Variants in ACBD5 observed in about 807,000 individuals in gnomAD.
ACBD5 encodes acyl-CoA-binding domain-containing protein 5.
A neutral mutation model predicts 71.8 loss-of-function variants in ACBD5; 40 were observed. The ratio of observed to expected loss-of-function variants is 0.56; its 90% CI spans 0.43 to 0.72. The LOEUF is 0.72. Among genes scored for constraint, ACBD5 ranks in the 30% least tolerant of loss-of-function variants. The pLI, the probability that ACBD5 is intolerant of heterozygous loss-of-function variation, is 0.00. For missense variants in ACBD5, 559 were observed against 644.5 expected, an observed-to-expected ratio of 0.87 and a Z score of 1.44; for synonymous variants, 229 against 218.6, an observed-to-expected ratio of 1.05 and a Z score of -0.42.
chr10:27,220,776 T>G (rs1450609005), intron 5 of ACBD5, among the ~76,000 whole-genome samples: 1 of 152,056 alleles, frequency 6.6e-6, no homozygotes, highest in African/African-American at 2.4e-5. Flanking sequence ...GACTCATCAT[T>G]CCTGATTTCA....
intron 13 of ACBD5, among the ~76,000 whole-genome samples, chr10:27,186,088 CA>C (rs144666387): frequency 6.6e-6 from 1 of 150,700 alleles, no homozygotes. Flanking sequence ...GACCTCGTCT[CA>C]AAAAAAAAGC....
chr10:27,198,280 G>GAT (rs984013545), intron 12 of ACBD5, among the ~76,000 whole-genome samples: 1 of 152,092 alleles, frequency 6.6e-6, no homozygotes, highest in African/African-American at 2.4e-5. Flanking sequence ...CCCAAACTTG[G>GAT]ATATATATAA....
At chr10:27,199,544 C>G (rs564482927) in intron 12 of ACBD5, among the ~76,000 whole-genome samples, 1 of 152,200 alleles carries the variant, frequency 6.6e-6, no homozygotes, top group Non-Finnish European at 1.5e-5. Flanking sequence ...GGAATAAATT[C>G]TGCCTTTCCC....
At chr10:27,238,111 A>AATT (rs1047146665) in intron 2 of ACBD5, among the ~76,000 whole-genome samples, 2 of 151,590 alleles carry the variant, frequency 1.3e-5, no homozygotes, top group East Asian at 3.9e-4. Context: ...ACGCCTGGCT[A>AATT]ATTTTTTGTA....
intron 4 of ACBD5, among the ~76,000 whole-genome samples, chr10:27,224,243 G>A (rs925926226): frequency 1.3e-5 from 2 of 151,860 alleles, no homozygotes; most frequent in Admixed American, 6.6e-5. Flanking sequence ...CAGACATGGC[G>A]GTGCACGCCT....
chr10:27,183,271 TG>T (rs2058431652), intron 13 of ACBD5, among the ~76,000 whole-genome samples: 2 of 22,040 alleles, frequency 9.1e-5, no homozygotes, highest in African/African-American at 1.2e-4. Flanking sequence ...AAAATTCTTT[TG>T]TTGTTGTTGT....
intron 12 of ACBD5, among the ~76,000 whole-genome samples, chr10:27,199,084 A>G (rs535610392): frequency 1.8e-4 from 28 of 151,672 alleles, no homozygotes; most frequent in African/African-American, 6.5e-4. Context: ...ACTCCAGCCT[A>G]GGTGACACAG....
At chr10:27,186,567 T>C in intron 13 of ACBD5, 1 of 1,562,644 alleles carries the variant, frequency 6.4e-7, no homozygotes, top group East Asian at 2.2e-5. Context: ...TCTAGCCTTG[T>C]GTTATAGAAT....
At chr10:27,182,905 C>T (rs1181935089) in intron 13 of ACBD5, among the ~76,000 whole-genome samples, 1 of 151,990 alleles carries the variant, frequency 6.6e-6, no homozygotes, top group Non-Finnish European at 1.5e-5. Flanking sequence ...ACCTCAGCCT[C>T]CCCAAAATGC....
intron 13 of ACBD5, chr10:27,186,349 C>G (rs1374786932): frequency 4.4e-6 from 7 of 1,599,880 alleles, no homozygotes; most frequent in Non-Finnish European, 5.1e-6. Context: ...GTAATGATAT[C>G]ATACTGTTTT....
chr10:27,229,843 A>C (rs866047111), intron 4 of ACBD5, among the ~76,000 whole-genome samples: 1 of 152,202 alleles, frequency 6.6e-6, no homozygotes. Flanking sequence ...TACGCAATGA[A>C]ATTTTTAAAG....
At chr10:27,185,786 C>A (rs1255683881) in intron 13 of ACBD5, among the ~76,000 whole-genome samples, 26 of 141,218 alleles carry the variant, frequency 1.8e-4, no homozygotes, top group African/African-American at 2.4e-4. Context: ...GACTCCATTT[C>A]AAAAAAAAAA....
At chr10:27,192,605 A>C (rs2059124852), downstream of ACBD5, among the ~76,000 whole-genome samples, 2 of 151,728 alleles carry the variant, frequency 1.3e-5, no homozygotes, top group African/African-American at 4.8e-5. Context: ...GGGACAGAAG[A>C]GAGGGGAAAG....
chr10:27,229,615 A>G (rs867813591), intron 4 of ACBD5, among the ~76,000 whole-genome samples: 1 of 152,224 alleles, frequency 6.6e-6, no homozygotes, highest in South Asian at 2.1e-4. Flanking sequence ...TTAGTAAATT[A>G]TTGAAATTAG....
intron 2 of ACBD5, among the ~76,000 whole-genome samples, chr10:27,237,836 G>A (rs2064940238): frequency 6.6e-6 from 1 of 152,026 alleles, no homozygotes; most frequent in African/African-American, 2.4e-5. Context: ...GGCCAGGCTG[G>A]TCTGGAATTC....
chr10:27,188,899 T>C (rs2058933700), intron 13 of ACBD5, among the ~76,000 whole-genome samples: 1 of 152,206 alleles, frequency 6.6e-6, no homozygotes, highest in Non-Finnish European at 1.5e-5. Flanking sequence ...CACTCATCTT[T>C]TGCTATGAAG....
At position 27,231,679 on chromosome 10, in the gene ACBD5, T is replaced by C. The variant is rs1006261142; in HGVS notation, c.375+69A>G. On this transcript the variant is annotated intron_variant, in intron 4 of 12. Transcript: ENST00000396271. The stretch of plus-strand genomic sequence containing the variant: ...ATCTCCTTAAAGCAAAGCAGCTAAT[T>C]TGTCTGATAACCAAATTAAATTAGA... 2.2e-6 allele frequency: 3 copies of C among 1,364,734 alleles called. No homozygotes were observed. In the East Asian group the frequency reaches 6.9e-5, roughly 31 times the overall value. 84.5% of individuals were successfully genotyped at this position (1,364,734 alleles called of 1,614,324 possible). A position where few individuals can be genotyped will look rare whatever the true frequency, so the allele number is the denominator to read the frequency against.
Position 27,223,064 on chromosome 10 carries a change from A to G in ACBD5, c.490+274T>C, listed in dbSNP as rs577279504. The G allele has an allele frequency of 7.8e-6, 5 of 641,908 alleles. No homozygotes were observed. The East Asian group carries it at 1.4e-4, about 17-fold the overall frequency. 39.8% of individuals were successfully genotyped at this position (641,908 alleles called of 1,614,324 possible). ...TTAAGGGTTAAAATTTTAAGGGTTT[A>G]TAATGTTTTGGAACTTCATATAATG... is the stretch of plus-strand genomic sequence containing the variant. On this transcript the variant is annotated intron_variant, in intron 5 of 12. Coordinates refer to ENST00000396271, the MANE Select transcript of ACBD5 (RefSeq NM_145698.5).
chr10:27,204,855 C>T (rs987419636), intron 11 of ACBD5, among the ~76,000 whole-genome samples: 5 of 152,076 alleles, frequency 3.3e-5, no homozygotes, highest in South Asian at 2.1e-4. Flanking sequence ...GGGCCGGGCG[C>T]GGTGGCTCAC....
Sources: gnomAD v4.1 joint callset for allele counts (sites outside exome capture counted in the v4.1 genomes callset) on GRCh38, gnomAD v4.1.1 for gene constraint, MANE v1.5 for transcripts, NCBI Gene and HGNC (gene_info 2026-07-23, HGNC 2026-07-21) for gene names.